Variants in HSPA12A observed in about 807,000 individuals in gnomAD.
HSPA12A encodes heat shock 70 kDa protein 12A.
Under a neutral mutation model 69.2 loss-of-function variants are expected in HSPA12A, and 28 were observed. That is an observed-to-expected ratio of 0.40 (90% CI 0.30 to 0.55). The LOEUF (loss-of-function observed/expected upper bound fraction) is 0.55, where lower values mean the gene tolerates loss of function less well. HSPA12A is among the 20% of genes least tolerant of loss of function. HSPA12A has a pLI of 0.38. For missense variants in HSPA12A, 686 were observed against 900.7 expected (o/e 0.76, Z 3.05); for synonymous variants, 345 against 370.5 (o/e 0.93, Z 0.79).
chr10:116,733,744 T>C (rs1409871260), intron 1 of HSPA12A, among the ~76,000 whole-genome samples: 6 of 152,222 alleles, frequency 3.9e-5, no homozygotes, highest in Non-Finnish European at 7.3e-5. Flanking sequence ...TCCTATTGGC[T>C]GTTATTTGAG....
chr10:116,802,815 A>C (rs1380412683), intron 2 of HSPA12A, among the ~76,000 whole-genome samples: 1 of 152,242 alleles, frequency 6.6e-6, no homozygotes, highest in African/African-American at 2.4e-5. Context: ...GCTTGGCCGT[A>C]TCATGGGCCA....
Position 116,742,526 on chromosome 10 carries a change from G to A in HSPA12A, c.-57C>T. ...TCCAGCGCAGCGCCCGTGCCCGTGC[G>A]GGTCTCTGTCCGCGTCCGCGGCGGC... On this transcript the variant is annotated 5_prime_UTR_variant, in exon 1 of 12. Transcript: ENST00000369209. 2 of 1,213,014 alleles carry A rather than the reference G, an allele frequency of 1.6e-6. 1 individual carries two copies. The highest frequency in any genetic ancestry group is 2.1e-6 in the Non-Finnish European group (2 of 974,708). 75.1% of individuals were successfully genotyped at this position (1,213,014 alleles called of 1,614,324 possible).
intron 6 of HSPA12A, among the ~76,000 whole-genome samples, chr10:116,687,090 C>T (rs1554879622): frequency 6.6e-6 from 1 of 152,220 alleles, no homozygotes; most frequent in Non-Finnish European, 1.5e-5. Flanking sequence ...TCCAGCAGAA[C>T]TGTCCCCCGC....
intron 1 of HSPA12A, among the ~76,000 whole-genome samples, chr10:116,717,558 C>A (rs1850645212): frequency 6.6e-6 from 1 of 152,180 alleles, no homozygotes; most frequent in Non-Finnish European, 1.5e-5. Flanking sequence ...GAGCTCAAAT[C>A]CCACCATGAC....
At chr10:116,693,967 T>C (rs17607983) in intron 5 of HSPA12A, among the ~76,000 whole-genome samples, 19,194 of 152,226 alleles carry the variant, frequency 0.13, 1,588 homozygotes, top group Non-Finnish European at 0.19. Flanking sequence ...CAGGTCTGCA[T>C]TGGGTTTGAA....
chr10:116,823,253 A>G (rs1365770568), intron 2 of HSPA12A, among the ~76,000 whole-genome samples: 2 of 152,248 alleles, frequency 1.3e-5, no homozygotes, highest in African/African-American at 4.8e-5. Flanking sequence ...TAACAAAAGC[A>G]GTGAAAAATT....
At chr10:116,835,103 G>T in intron 1 of HSPA12A, 1 of 909,796 alleles carries the variant, frequency 1.1e-6, no homozygotes, top group Non-Finnish European at 1.4e-6. Context: ...ACTCGTGCTG[G>T]TTGACGGTTT....
At chr10:116,840,323 AATG>A (rs1355497079) in intron 1 of HSPA12A, among the ~76,000 whole-genome samples, 4 of 152,352 alleles carry the variant, frequency 2.6e-5, no homozygotes, top group South Asian at 2.1e-4. Context: ...TAAAGTAAGA[AATG>A]ATGATACACA....
At chr10:116,682,186 C>A (rs1164263469) in intron 7 of HSPA12A, among the ~76,000 whole-genome samples, 3 of 152,140 alleles carry the variant, frequency 2.0e-5, no homozygotes, top group Non-Finnish European at 4.4e-5. Context: ...GTGAAAAAAA[C>A]TGAAAGAAGA....
At chr10:116,720,242 G>A (rs1850733275) in intron 1 of HSPA12A, among the ~76,000 whole-genome samples, 1 of 152,096 alleles carries the variant, frequency 6.6e-6, no homozygotes, top group African/African-American at 2.4e-5. Flanking sequence ...CTCAGTCACC[G>A]CCACCCACCC....
chr10:116,742,184 C>A (rs956730019), intron 1 of HSPA12A, among the ~76,000 whole-genome samples: 2 of 151,940 alleles, frequency 1.3e-5, no homozygotes, highest in Non-Finnish European at 2.9e-5. Context: ...GGGCTGCAGT[C>A]CCCGCCGCGG....
chr10:116,764,260 T>C (rs1372648234), intron 2 of HSPA12A, among the ~76,000 whole-genome samples: 1 of 152,160 alleles, frequency 6.6e-6, no homozygotes, highest in African/African-American at 2.4e-5. Flanking sequence ...TACCTACAAA[T>C]ACAAACCAAC....
intron 2 of HSPA12A, among the ~76,000 whole-genome samples, chr10:116,758,684 G>C (rs1225297673): frequency 6.6e-6 from 1 of 152,136 alleles, no homozygotes; most frequent in Non-Finnish European, 1.5e-5. Flanking sequence ...AAGAGAGGAA[G>C]TGAGATAAAA....
intron 1 of HSPA12A, among the ~76,000 whole-genome samples, chr10:116,722,645 C>A (rs1850816748): frequency 6.6e-6 from 1 of 152,186 alleles, no homozygotes; most frequent in Non-Finnish European, 1.5e-5. Flanking sequence ...CTGCCCATCC[C>A]TACCCAGCTG....
At chr10:116,789,705 A>G (rs982152232) in intron 2 of HSPA12A, among the ~76,000 whole-genome samples, 24 of 152,240 alleles carry the variant, frequency 1.6e-4, no homozygotes, top group African/African-American at 5.5e-4. Context: ...ATCATCCAGG[A>G]TATTGACTAT....
At chr10:116,834,062 A>G (rs946903574) in intron 2 of HSPA12A, among the ~76,000 whole-genome samples, 3 of 152,226 alleles carry the variant, frequency 2.0e-5, no homozygotes, top group African/African-American at 4.8e-5. Flanking sequence ...AGGCAGCAGT[A>G]AAAGAAAAAG....
chr10:116,732,876 G>A (rs1431563577), intron 1 of HSPA12A, among the ~76,000 whole-genome samples: 2 of 152,078 alleles, frequency 1.3e-5, no homozygotes, highest in African/African-American at 2.4e-5. Flanking sequence ...AGAGGGAGTC[G>A]GCAGACCTCG....
intron 2 of HSPA12A, among the ~76,000 whole-genome samples, chr10:116,813,050 C>T (rs1302441311): frequency 2.0e-5 from 3 of 151,990 alleles, no homozygotes; most frequent in Non-Finnish European, 2.9e-5. Flanking sequence ...TGAGAAGCCA[C>T]GGTGATGAGG....
At chr10:116,735,590 G>A (rs1851289193) in intron 1 of HSPA12A, among the ~76,000 whole-genome samples, 1 of 152,150 alleles carries the variant, frequency 6.6e-6, no homozygotes, top group Non-Finnish European at 1.5e-5. Flanking sequence ...GGTCATCTTG[G>A]ACTACCCAGA....
Sources: allele counts gnomAD v4.1 joint callset (sites outside exome capture counted in the v4.1 genomes callset), GRCh38; gene constraint gnomAD v4.1.1; transcripts MANE v1.5; gene names NCBI Gene and HGNC (gene_info 2026-07-23, HGNC 2026-07-21).